STPG2: variants seen among roughly 807,000 people sequenced by gnomAD.
The protein encoded by STPG2 is sperm-tail PG-rich repeat-containing protein 2.
Under a neutral mutation model 54.2 loss-of-function variants are expected in STPG2, and 56 were observed. The observed-to-expected ratio is 1.03, with a 90% confidence interval of 0.83 to 1.29. STPG2 has a LOEUF of 1.29. Among genes scored for constraint, STPG2 ranks in the 50% most tolerant of loss-of-function variants. The pLI, the probability that STPG2 is intolerant of heterozygous loss-of-function variation, is 0.00. For missense variants in STPG2, 596 were observed against 544.9 expected (o/e 1.09, Z -0.93); for synonymous variants, 200 against 181.8 (o/e 1.10, Z -0.81).
intron 5 of STPG2, among the ~76,000 whole-genome samples, chr4:98,076,554 C>T (rs1459718452): frequency 6.6e-6 from 1 of 152,102 alleles, no homozygotes; most frequent in Admixed American, 6.5e-5. Context: ...TGAGATTGGT[C>T]ATGTGTGATT....
At chr4:97,453,250 C>A (rs1729424006) in intron 4 of STPG2, among the ~76,000 whole-genome samples, 1 of 152,222 alleles carries the variant, frequency 6.6e-6, no homozygotes. Context: ...CCAGCTGCAG[C>A]CTCGCAGAGA....
intron 7 of STPG2, among the ~76,000 whole-genome samples, chr4:97,949,448 AC>A: frequency 6.6e-6 from 1 of 152,022 alleles, no homozygotes; most frequent in East Asian, 1.9e-4. Flanking sequence ...GTTCCAATCA[AC>A]ATGTGAATTG....
chr4:97,664,054 C>A (rs1722451579), intron 10 of STPG2, among the ~76,000 whole-genome samples: 1 of 152,078 alleles, frequency 6.6e-6, no homozygotes, highest in African/African-American at 2.4e-5. Context: ...CATAGATATT[C>A]ATATGGTAAA....
intron 8 of STPG2, among the ~76,000 whole-genome samples, chr4:97,905,555 G>A (rs1230264527): frequency 2.0e-5 from 3 of 151,462 alleles, no homozygotes; most frequent in Non-Finnish European, 4.4e-5. Flanking sequence ...CAACTAACGA[G>A]CAAAATAACC....
chr4:98,025,993 G>A (rs758736928), intron 5 of STPG2: 11 of 1,037,538 alleles, frequency 1.1e-5, no homozygotes, highest in Non-Finnish European at 1.6e-5. Context: ...GGGCCAGAAT[G>A]TTGCAGAATG....
At chr4:97,934,490 T>C (rs777253362) in intron 8 of STPG2, among the ~76,000 whole-genome samples, 28 of 152,346 alleles carry the variant, frequency 1.8e-4, no homozygotes, top group South Asian at 1.0e-3. Context: ...TGATATTAGC[T>C]GCAGGTATGC....
intron 10 of STPG2, among the ~76,000 whole-genome samples, chr4:97,706,202 A>T (rs74639501): frequency 0.045 from 6,826 of 152,260 alleles, 216 homozygotes; most frequent in Admixed American, 0.1. Context: ...AAAGCAGATA[A>T]CGGAGGACTA....
At position 97,788,091 on chromosome 4, in the gene STPG2, G is replaced by A. The variant is rs80178144; in HGVS notation, c.1204+52682C>T. Among the ~76,000 whole-genome samples the A allele has an allele frequency of 5.9e-5, 9 of 151,866 alleles. No individual in the cohort carries two copies. The East Asian group carries it at 1.7e-3, about 29-fold the overall frequency. ...CTTTTTGTTACAAACAATCCAATTA[G>A]ACTCTTAGTTATTTTAAAAGTGTAC... On this transcript the variant is annotated intron_variant, in intron 9 of 10. Coordinates refer to ENST00000295268, the MANE Select transcript of STPG2 (RefSeq NM_174952.3).
chr4:97,729,063 T>TTCTCTCTCTCTCTCTCTCTCTCTCTC lies in STPG2; in HGVS notation c.1205-16275_1205-16250dup, dbSNP rs57186071. 5.6e-3 allele frequency among the ~76,000 whole-genome samples: 698 copies of TTCTCTCTCTCTCTCTCTCTCTCTCTC among 124,866 alleles called. 36 individuals are homozygous for TTCTCTCTCTCTCTCTCTCTCTCTCTC. The highest frequency in any genetic ancestry group is 9.1e-3 in the Non-Finnish European group (527 of 58,134). The allele number at this position is 124,866 out of a possible 152,430, so 81.9% of individuals were successfully genotyped here. A position where few individuals can be genotyped will look rare whatever the true frequency, so the allele number is the denominator to read the frequency against. On this transcript the variant is annotated intron_variant, in intron 9 of 10. Transcript: ENST00000295268. ...CCACTGATGACAAGGCCCCAAGAATTTCTCTCTCTCTCTCTCTCTCTCTCT... is the reference window on the plus strand; with the variant it reads ...CCACTGATGACAAGGCCCCAAGAATTTCTCTCTCTCTCTCTCTCTCTCTCTCTCTCTCTCTCTCTCTCTCTCTCTCT...
At chr4:97,607,738 G>T (rs1733630854) in intron 10 of STPG2, among the ~76,000 whole-genome samples, 1 of 152,042 alleles carries the variant, frequency 6.6e-6, no homozygotes, top group Non-Finnish European at 1.5e-5. Flanking sequence ...AACCGTAATA[G>T]AATTGTGTTG....
chr4:97,490,513 C>A (rs755077492), intron 4 of STPG2, among the ~76,000 whole-genome samples: 1 of 151,540 alleles, frequency 6.6e-6, no homozygotes, highest in Non-Finnish European at 1.5e-5. Context: ...TCTGTACATT[C>A]CCACTAAGTA....
intron 10 of STPG2, among the ~76,000 whole-genome samples, chr4:97,706,442 G>A (rs1723944607): frequency 6.6e-6 from 1 of 152,140 alleles, no homozygotes; most frequent in Non-Finnish European, 1.5e-5. Context: ...TGCCATGTGA[G>A]GACACAGCAA....
chr4:97,737,115 C>T (rs1490834980), intron 9 of STPG2, among the ~76,000 whole-genome samples: 1 of 152,202 alleles, frequency 6.6e-6, no homozygotes, highest in Non-Finnish European at 1.5e-5. Flanking sequence ...TGGAGTGGAC[C>T]TCTAGCAAAC....
rs368357792 is a variant in STPG2, at chr4:98,134,317, T to G, written c.222+30A>C. 1.1e-5 allele frequency: 15 copies of G among 1,344,100 alleles called. No homozygotes were observed. In the African/African-American group the frequency reaches 1.8e-4, roughly 16 times the overall value. 83.3% of individuals were successfully genotyped at this position (1,344,100 alleles called of 1,614,324 possible). On this transcript the variant is annotated intron_variant, in intron 2 of 10. Transcript: ENST00000295268. ...ATTCAGGGAAGAAAACATGGTTTTA[T>G]TAAGTCAATTATAGTAACTATAAAG...
intron 8 of STPG2, among the ~76,000 whole-genome samples, chr4:97,919,655 G>A (rs1290141726): frequency 3.3e-5 from 5 of 152,074 alleles, no homozygotes; most frequent in Non-Finnish European, 2.9e-5. Context: ...TAAAGGAACT[G>A]AATATTTTTT....
chr4:97,994,618 G>A (rs1473392712), intron 5 of STPG2, among the ~76,000 whole-genome samples: 1 of 152,086 alleles, frequency 6.6e-6, no homozygotes, highest in African/African-American at 2.4e-5. Context: ...ACTCCAGGCT[G>A]GTACAGGGGA....
At chr4:97,891,796 A>G (rs933789255) in intron 8 of STPG2, among the ~76,000 whole-genome samples, 1 of 152,186 alleles carries the variant, frequency 6.6e-6, no homozygotes, top group African/African-American at 2.4e-5. Context: ...CTAAAGGAAG[A>G]ATAAATTTAA....
intron 9 of STPG2, among the ~76,000 whole-genome samples, chr4:97,762,139 C>T (rs551340844): frequency 6.6e-6 from 1 of 152,232 alleles, no homozygotes; most frequent in South Asian, 2.1e-4. Flanking sequence ...AAGCTAATGT[C>T]AAACAATACT....
intron 5 of STPG2, among the ~76,000 whole-genome samples, chr4:98,067,900 T>C (rs1033409241): frequency 6.6e-5 from 10 of 152,164 alleles, no homozygotes; most frequent in African/African-American, 2.4e-4. Context: ...TCTATCATTA[T>C]CCCAAATCCC....
Sources: gnomAD v4.1 joint callset for allele counts (sites outside exome capture counted in the v4.1 genomes callset) on GRCh38, gnomAD v4.1.1 for gene constraint, MANE v1.5 for transcripts, NCBI Gene and HGNC (gene_info 2026-07-23, HGNC 2026-07-21) for gene names.